Variants in TSPAN18 observed in about 807,000 individuals in gnomAD.
TSPAN18 encodes tetraspanin-18.
In TSPAN18, 14 loss-of-function variants were observed where a neutral mutation model predicts 27.3. The ratio of observed to expected loss-of-function variants is 0.51; its 90% CI spans 0.34 to 0.80. The LOEUF (loss-of-function observed/expected upper bound fraction) is 0.80, where lower values mean the gene tolerates loss of function less well. Among genes scored for constraint, TSPAN18 ranks in the 30% least tolerant of loss-of-function variants. TSPAN18 has a pLI of 0.01. For missense variants in TSPAN18, 268 were observed against 323.9 expected (o/e 0.83, Z 1.32); for synonymous variants, 143 against 136.5 (o/e 1.05, Z -0.33).
intron 1 of TSPAN18, among the ~76,000 whole-genome samples, chr11:44,730,908 G>A (rs1854639559): frequency 6.6e-6 from 1 of 152,218 alleles, no homozygotes; most frequent in African/African-American, 2.4e-5. Flanking sequence ...ACAGGCGTGA[G>A]CCACTGCACT....
intron 3 of TSPAN18, among the ~76,000 whole-genome samples, chr11:44,885,117 G>T (rs1487111960): frequency 6.6e-6 from 1 of 152,156 alleles, no homozygotes; most frequent in Admixed American, 6.5e-5. Context: ...CCTAAAATAG[G>T]TATTATATGG....
rs541398568 is a variant in TSPAN18, at chr11:44,737,026, G to T, written c.-240+9739G>T. Among the ~76,000 whole-genome samples the T allele has an allele frequency of 1.2e-4, 18 of 152,350 alleles. 1 individual carries two copies. In the South Asian group the frequency reaches 3.7e-3, roughly 32 times the overall value. On this transcript the variant is annotated intron_variant, in intron 1 of 9. Transcript: ENST00000520358. ...TGGAGCCTGCAGCGTGGAGCTCAGT[G>T]CCTGGGGTTGAACAGATGCTCACAT...
chr11:44,792,364 C>T (rs1279096810), intron 2 of TSPAN18, among the ~76,000 whole-genome samples: 1 of 152,160 alleles, frequency 6.6e-6, no homozygotes, highest in Non-Finnish European at 1.5e-5. Context: ...CTGGAGCAGC[C>T]AGGGGCTGGT....
chr11:44,919,347 G>T, intron 7 of TSPAN18, 35 bp downstream of exon 7: 1 of 1,549,070 alleles, frequency 6.5e-7, no homozygotes, highest in South Asian at 1.1e-5. Flanking sequence ...TGAACATTCA[G>T]AGCCACGATG....
intron 8 of TSPAN18, among the ~76,000 whole-genome samples, chr11:44,922,720 G>T (rs1283579040): frequency 1.3e-5 from 2 of 152,178 alleles, no homozygotes; most frequent in African/African-American, 4.8e-5. Flanking sequence ...CTTCGTGATG[G>T]GTCCTCATTG....
At chr11:44,763,297 C>T (rs771969201) in intron 1 of TSPAN18, among the ~76,000 whole-genome samples, 8 of 152,186 alleles carry the variant, frequency 5.3e-5, no homozygotes, top group Non-Finnish European at 1.2e-4. Flanking sequence ...TATTTCTCAG[C>T]TGTGCATGTG....
chr11:44,890,249 T>C (rs550406013), intron 3 of TSPAN18, among the ~76,000 whole-genome samples: 4 of 152,340 alleles, frequency 2.6e-5, no homozygotes, highest in African/African-American at 4.8e-5. Flanking sequence ...ATGTATTCCA[T>C]AGAACTCAAG....
intron 3 of TSPAN18, among the ~76,000 whole-genome samples, chr11:44,863,730 C>T (rs1171096010): frequency 1.3e-5 from 2 of 152,076 alleles, no homozygotes; most frequent in Non-Finnish European, 2.9e-5. Flanking sequence ...GACCTGGGTT[C>T]GGATCTGAGC....
At chr11:44,924,635 G>C (rs1419715127) in intron 8 of TSPAN18, among the ~76,000 whole-genome samples, 27 of 152,106 alleles carry the variant, frequency 1.8e-4, no homozygotes, top group Admixed American at 1.8e-3. Context: ...TCCCCTGCCA[G>C]GGCTGATCCC....
At chr11:44,818,493 AG>A (rs1256332660) in intron 2 of TSPAN18, among the ~76,000 whole-genome samples, 1 of 152,146 alleles carries the variant, frequency 6.6e-6, no homozygotes, top group African/African-American at 2.4e-5. Flanking sequence ...CCAGCTGATC[AG>A]GGCAGATGAA....
upstream of TSPAN18, chr11:44,726,459 G>A (rs1854503694): frequency 6.6e-6 from 1 of 152,202 alleles, no homozygotes; most frequent in African/African-American, 2.4e-5. Flanking sequence ...CATGCAGGAA[G>A]TCCCCTTTCT....
chr11:44,752,851 A>T (rs1484575290), intron 1 of TSPAN18, among the ~76,000 whole-genome samples: 1 of 152,222 alleles, frequency 6.6e-6, no homozygotes, highest in Admixed American at 6.5e-5. Context: ...AGAAAACCAT[A>T]ACCTTGGGGT....
At chr11:44,743,828 A>G (rs757663966) in intron 1 of TSPAN18, among the ~76,000 whole-genome samples, 2 of 152,222 alleles carry the variant, frequency 1.3e-5, no homozygotes, top group Non-Finnish European at 2.9e-5. Context: ...TCAGAGATGA[A>G]GATAAAACTG....
chr11:44,873,700 G>A (rs551765105), intron 3 of TSPAN18, among the ~76,000 whole-genome samples: 18 of 152,334 alleles, frequency 1.2e-4, no homozygotes, highest in Middle Eastern at 3.4e-3. Context: ...GAGCCACCTC[G>A]AGGAGGTCTG....
intron 2 of TSPAN18, among the ~76,000 whole-genome samples, chr11:44,815,090 T>C (rs1340882848): frequency 1.3e-5 from 2 of 152,156 alleles, no homozygotes; most frequent in Non-Finnish European, 1.5e-5. Context: ...GAGTGGCAGA[T>C]GGTGAAGCCA....
At position 44,929,380 on chromosome 11, in the gene TSPAN18, G is replaced by C; in HGVS notation, c.*202G>C. 1 of 656,028 alleles carries C rather than the reference G, an allele frequency of 1.5e-6. No homozygotes were observed. Among genetic ancestry groups the C allele is most frequent in the Non-Finnish European group, 2.6e-6 (1 of 391,432 alleles). The allele number at this position is 656,028 out of a possible 1,614,324, so 40.6% of individuals were successfully genotyped here. The stretch of plus-strand genomic sequence containing the variant: ...CAAAAATATGGACTGATGTATCCTC[G>C]CCTGGACTCAGGGCAGGTGCCGTGG... On this transcript the variant is annotated 3_prime_UTR_variant, in exon 10 of 10. Transcript: ENST00000520358.
At chr11:44,818,692 A>C (rs1869276) in intron 2 of TSPAN18, among the ~76,000 whole-genome samples, 26,525 of 152,190 alleles carry the variant, frequency 0.17, 3,131 homozygotes, top group Non-Finnish European at 0.26. Context: ...CCTTGCAAGG[A>C]AAGGGAGGAA....
rs71491843 is a variant in TSPAN18 at position 44,739,884 on chromosome 11, T to C, written c.-240+12597T>C. ...AGGGAACAGCTATTCACCGAAGCCA[T>C]GGAGGTTCTCCTGGGTGGACCATGG... On this transcript the variant is annotated intron_variant, in intron 1 of 9. Transcript: ENST00000520358. Among the ~76,000 whole-genome samples, 698 of 152,266 alleles carry C rather than the reference T, an allele frequency of 4.6e-3. 1 individual carries two copies. Among genetic ancestry groups the C allele is most frequent in the Non-Finnish European group, 7.5e-3 (508 of 68,010 alleles).
intron 1 of TSPAN18, among the ~76,000 whole-genome samples, chr11:44,735,607 C>G (rs1029980370): frequency 6.6e-6 from 1 of 151,902 alleles, no homozygotes; most frequent in Non-Finnish European, 1.5e-5. Flanking sequence ...TAGGGTCCAC[C>G]CTAATGACCT....
Sources: allele counts gnomAD v4.1 joint callset (sites outside exome capture counted in the v4.1 genomes callset), GRCh38; gene constraint gnomAD v4.1.1; transcripts MANE v1.5; gene names NCBI Gene and HGNC (gene_info 2026-07-23, HGNC 2026-07-21).